Variants in DSCAM observed in about 807,000 individuals in gnomAD.
DSCAM encodes cell adhesion molecule DSCAM.
Under a neutral mutation model 217.7 loss-of-function variants are expected in DSCAM, and 47 were observed. The observed-to-expected ratio is 0.22, with a 90% CI of 0.17 to 0.28. The LOEUF is 0.28. Ranked by LOEUF, DSCAM falls within the 10% of genes least tolerant of loss-of-function variation. DSCAM has a pLI of 1.00. For synonymous variants in DSCAM, 1,056 were observed against 1,015.3 expected (o/e 1.04, Z -0.76); for missense variants, 2,080 against 2,618.3 (o/e 0.79, Z 4.49).
At chr21:40,127,108 G>A (rs1389198177) in intron 19 of DSCAM, among the ~76,000 whole-genome samples, 2 of 152,118 alleles carry the variant, frequency 1.3e-5, no homozygotes, top group African/African-American at 2.4e-5. Flanking sequence ...TAATAACTGT[G>A]CTGGCTTATG....
At chr21:40,189,907 T>C (rs1444917782) in intron 11 of DSCAM, among the ~76,000 whole-genome samples, 1 of 152,230 alleles carries the variant, frequency 6.6e-6, no homozygotes, top group African/African-American at 2.4e-5. Context: ...AATACAATGA[T>C]GTTACTGGTT....
At chr21:40,474,559 C>T (rs191014529) in intron 3 of DSCAM, among the ~76,000 whole-genome samples, 7 of 152,270 alleles carry the variant, frequency 4.6e-5, no homozygotes, top group African/African-American at 1.2e-4. Flanking sequence ...CTGCCGCCCT[C>T]CCCTTCCCCC....
chr21:40,253,737 C>A (rs539978634), intron 11 of DSCAM, among the ~76,000 whole-genome samples: 1 of 152,260 alleles, frequency 6.6e-6, no homozygotes, highest in Non-Finnish European at 1.5e-5. Flanking sequence ...TATATGGGTA[C>A]GCCCGGAGGG....
chr21:40,839,280 A>G (rs2092081159), intron 1 of DSCAM, among the ~76,000 whole-genome samples: 1 of 152,236 alleles, frequency 6.6e-6, no homozygotes, highest in African/African-American at 2.4e-5. Flanking sequence ...ACAGGTTAAC[A>G]TGGAGGGACT....
intron 11 of DSCAM, among the ~76,000 whole-genome samples, chr21:40,257,317 C>T (rs1307478334): frequency 6.6e-6 from 1 of 152,112 alleles, no homozygotes; most frequent in African/African-American, 2.4e-5. Context: ...CAAGTGCTAT[C>T]CAAATAGTTG....
intron 1 of DSCAM, among the ~76,000 whole-genome samples, chr21:40,759,024 C>A (rs568786083): frequency 6.6e-6 from 1 of 152,222 alleles, no homozygotes; most frequent in Non-Finnish European, 1.5e-5. Flanking sequence ...TACAGGGATC[C>A]GGACTGCACA....
chr21:40,685,826 G>C (rs1287934036), intron 3 of DSCAM, among the ~76,000 whole-genome samples: 2 of 152,140 alleles, frequency 1.3e-5, no homozygotes, highest in African/African-American at 4.8e-5. Flanking sequence ...TTTGACAGCA[G>C]TTGGCTTAAG....
At chr21:40,121,880 C>T (rs1189790326) in intron 20 of DSCAM, among the ~76,000 whole-genome samples, 1 of 151,666 alleles carries the variant, frequency 6.6e-6, no homozygotes, top group Non-Finnish European at 1.5e-5. Context: ...TTTGTAGAGG[C>T]GGAGTTTCAT....
intron 20 of DSCAM, among the ~76,000 whole-genome samples, chr21:40,110,635 T>C (rs1338909427): frequency 2.6e-5 from 4 of 152,156 alleles, no homozygotes; most frequent in African/African-American, 9.7e-5. Context: ...AGGAGGAAGT[T>C]TGAACCCATG....
chr21:40,365,080 AT>A (rs1329492905), intron 4 of DSCAM, among the ~76,000 whole-genome samples: 3 of 151,620 alleles, frequency 2.0e-5, no homozygotes, highest in Non-Finnish European at 4.4e-5. Context: ...ATATAAACAA[AT>A]ATATTTAATG....
chr21:40,789,604 G>A (rs1569037284), intron 1 of DSCAM, among the ~76,000 whole-genome samples: 1 of 147,430 alleles, frequency 6.8e-6, no homozygotes, highest in Non-Finnish European at 1.5e-5. Flanking sequence ...TGCCCAGGCT[G>A]GAGTGCAGTG....
chr21:40,132,121 A>G (rs924718506), intron 19 of DSCAM, among the ~76,000 whole-genome samples: 3 of 152,222 alleles, frequency 2.0e-5, no homozygotes, highest in African/African-American at 4.8e-5. Flanking sequence ...TAGCAATGTA[A>G]AAAGGAGTAT....
At chr21:40,511,112 TAATA>T (rs1053245504) in intron 3 of DSCAM, among the ~76,000 whole-genome samples, 15 of 152,224 alleles carry the variant, frequency 9.9e-5, no homozygotes, top group African/African-American at 3.6e-4. Flanking sequence ...TTTGGGAGAA[TAATA>T]AAATTATATT....
intron 3 of DSCAM, among the ~76,000 whole-genome samples, chr21:40,523,433 C>T (rs1248029632): frequency 6.6e-6 from 1 of 152,146 alleles, no homozygotes; most frequent in Non-Finnish European, 1.5e-5. Context: ...GAGGAATGCA[C>T]CGGCCTAAGA....
chr21:40,482,519 T>C (rs182452134), intron 3 of DSCAM, among the ~76,000 whole-genome samples: 7 of 152,362 alleles, frequency 4.6e-5, no homozygotes, highest in African/African-American at 7.2e-5. Context: ...GGGTATACTT[T>C]GAAAACATTT....
chr21:40,162,614 T>C (rs776177738), intron 16 of DSCAM, among the ~76,000 whole-genome samples: 14 of 152,218 alleles, frequency 9.2e-5, no homozygotes, highest in Non-Finnish European at 1.9e-4. Context: ...TTGGGTATAG[T>C]GGAGATGTGA....
chr21:40,412,730 T>C (rs552673390), intron 3 of DSCAM, among the ~76,000 whole-genome samples: 1 of 152,334 alleles, frequency 6.6e-6, no homozygotes, highest in African/African-American at 2.4e-5. Flanking sequence ...AGAAAATATA[T>C]TCTGAGGAAA....
chr21:40,383,379 T>G (rs912016091), intron 3 of DSCAM: 1 of 152,186 alleles, frequency 6.6e-6, no homozygotes, highest in African/African-American at 2.4e-5. Flanking sequence ...ATATCCATGA[T>G]GAATTAAAAT....
intron 11 of DSCAM, among the ~76,000 whole-genome samples, chr21:40,190,639 G>A (rs2090944106): frequency 1.3e-5 from 2 of 152,200 alleles, no homozygotes; most frequent in African/African-American, 4.8e-5. Context: ...TCAAATTCAT[G>A]CTAAAGCTTT....
Sources: gnomAD v4.1 joint callset for allele counts (sites outside exome capture counted in the v4.1 genomes callset) on GRCh38, gnomAD v4.1.1 for gene constraint, MANE v1.5 for transcripts, NCBI Gene and HGNC (gene_info 2026-07-23, HGNC 2026-07-21) for gene names.